NEGR1: variants seen among roughly 807,000 people sequenced by gnomAD.
The protein encoded by NEGR1 is IgLON family member 4.
In NEGR1, 10 loss-of-function variants were observed where a neutral mutation model predicts 40.9. The ratio of observed to expected loss-of-function variants is 0.24; its 90% CI spans 0.15 to 0.42. The LOEUF is 0.42. Ranked by LOEUF, NEGR1 falls within the 10% of genes least tolerant of loss-of-function variation. The probability of loss-of-function intolerance (pLI) is 1.00; values close to 1 mark genes in which losing one functional copy is unlikely to be tolerated. For missense variants in NEGR1, 352 were observed against 438.9 expected, an observed-to-expected ratio of 0.80 and a Z score of 1.77; for synonymous variants, 185 against 166.8, an observed-to-expected ratio of 1.11 and a Z score of -0.84.
intron 5 of NEGR1, among the ~76,000 whole-genome samples, chr1:71,606,339 T>A (rs1650073739): frequency 6.6e-6 from 1 of 152,180 alleles, no homozygotes; most frequent in Non-Finnish European, 1.5e-5. Context: ...TGGAAGCAGA[T>A]TCTCCAGCCC....
At chr1:72,067,297 C>T (rs1240383492) in intron 1 of NEGR1, among the ~76,000 whole-genome samples, 3 of 151,912 alleles carry the variant, frequency 2.0e-5, no homozygotes, top group African/African-American at 7.3e-5. Flanking sequence ...GTTCAATTTC[C>T]ATTACCCTTA....
chr1:71,858,579 T>C (rs1659852403), intron 2 of NEGR1, among the ~76,000 whole-genome samples: 1 of 152,038 alleles, frequency 6.6e-6, no homozygotes, highest in Non-Finnish European at 1.5e-5. Context: ...TAGCTGATAT[T>C]TTCCCCGTTT....
At chr1:71,467,889 A>G (rs1366288536) in intron 6 of NEGR1, among the ~76,000 whole-genome samples, 2 of 152,044 alleles carry the variant, frequency 1.3e-5, no homozygotes, top group Non-Finnish European at 2.9e-5. Flanking sequence ...ATGGAGTCAT[A>G]GAGCACATTG....
chr1:71,979,658 G>T (rs1646337613), intron 1 of NEGR1, among the ~76,000 whole-genome samples: 1 of 152,086 alleles, frequency 6.6e-6, no homozygotes, highest in South Asian at 2.1e-4. Context: ...AAAAGTTTTT[G>T]ATGATGGGAA....
intron 6 of NEGR1, among the ~76,000 whole-genome samples, chr1:71,560,830 T>C (rs1206918770): frequency 6.6e-6 from 1 of 151,458 alleles, no homozygotes; most frequent in Non-Finnish European, 1.5e-5. Context: ...GGAAAGATTT[T>C]CCTGGCATTT....
At chr1:71,652,744 G>T (rs1651758557) in intron 4 of NEGR1, among the ~76,000 whole-genome samples, 1 of 151,998 alleles carries the variant, frequency 6.6e-6, no homozygotes, top group Admixed American at 6.6e-5. Flanking sequence ...GTGCGCTGTA[G>T]TCCAAGCTAC....
At chr1:71,575,826 A>G (rs1570053111) in intron 6 of NEGR1, among the ~76,000 whole-genome samples, 1 of 152,146 alleles carries the variant, frequency 6.6e-6, no homozygotes, top group Non-Finnish European at 1.5e-5. Context: ...AAAACAAAAA[A>G]CAAAAAGCAC....
rs1646924035 is a variant in NEGR1 at position 71,491,010 on chromosome 1, T to C, written c.941-83440A>G. 1.3e-5 allele frequency among the ~76,000 whole-genome samples: 2 copies of C among 151,970 alleles called. 1 individual carries two copies. Among genetic ancestry groups the C allele is most frequent in the Non-Finnish European group, 2.9e-5 (2 of 67,978 alleles). On this transcript the variant is annotated intron_variant, in intron 6 of 6. Transcript: ENST00000357731. ...TATTTCACAGGAGTTCTTAGCACAA[T>C]TACCATGACAAGTGCTCACGTAATG...
In NEGR1 at chr1:71,405,979, T is replaced by C. The variant is rs1460180963; in HGVS notation, c.*1467A>G. The C allele has an allele frequency of 6.6e-6, 1 of 152,290 alleles. No homozygotes were observed. The highest frequency in any genetic ancestry group is 1.5e-5 in the Non-Finnish European group (1 of 67,838). 9.4% of individuals were successfully genotyped at this position (152,290 alleles called of 1,614,324 possible). ...GTAACAGCATTTTCCTTCAAAAATG[T>C]AGTTTTGCTTCTTTATAGTAGAAAT... On this transcript the variant is annotated 3_prime_UTR_variant, in exon 7 of 7. Coordinates refer to ENST00000357731, the MANE Select transcript of NEGR1 (RefSeq NM_173808.3).
chr1:72,062,518 C>T (rs1163858599), intron 1 of NEGR1, among the ~76,000 whole-genome samples: 2 of 151,814 alleles, frequency 1.3e-5, no homozygotes, highest in Non-Finnish European at 2.9e-5. Flanking sequence ...TGAAGAAGCA[C>T]GATGAGTTCA....
chr1:72,181,657 G>A (rs1432427541), intron 1 of NEGR1, among the ~76,000 whole-genome samples: 1 of 152,090 alleles, frequency 6.6e-6, no homozygotes, highest in Non-Finnish European at 1.5e-5. Context: ...CAATAGCCTA[G>A]AGAGGGAAGC....
At chr1:71,938,415 T>G (rs574893460) in intron 1 of NEGR1, among the ~76,000 whole-genome samples, 83 of 150,304 alleles carry the variant, frequency 5.5e-4, no homozygotes, top group African/African-American at 1.3e-3. Context: ...TAGGTGTTTT[T>G]TTTTTTTTTT....
intron 6 of NEGR1, among the ~76,000 whole-genome samples, chr1:71,565,804 A>G (rs920030876): frequency 6.6e-6 from 1 of 152,214 alleles, no homozygotes; most frequent in Non-Finnish European, 1.5e-5. Context: ...AACAATTTCA[A>G]TAGGAGCCTT....
At chr1:71,950,069 CA>C (rs1203160680) in intron 1 of NEGR1, among the ~76,000 whole-genome samples, 1 of 151,986 alleles carries the variant, frequency 6.6e-6, no homozygotes, top group Non-Finnish European at 1.5e-5. Context: ...TAATTTGACT[CA>C]AACAACATAA....
chr1:71,992,639 A>T (rs1646465597), intron 1 of NEGR1, among the ~76,000 whole-genome samples: 1 of 152,228 alleles, frequency 6.6e-6, no homozygotes, highest in African/African-American at 2.4e-5. Flanking sequence ...CGTGAATTTT[A>T]TAGTTATAGT....
chr1:71,749,346 A>T (rs12043796), intron 3 of NEGR1, among the ~76,000 whole-genome samples: 11,017 of 152,202 alleles, frequency 0.072, 498 homozygotes, highest in East Asian at 0.14. Context: ...GGTGTCTCTT[A>T]ATATTTTCAC....
At chr1:72,054,437 C>T (rs1307790113) in intron 1 of NEGR1, among the ~76,000 whole-genome samples, 1 of 151,162 alleles carries the variant, frequency 6.6e-6, no homozygotes, top group Non-Finnish European at 1.5e-5. Context: ...ATTCTACTTC[C>T]CTATCTCAAG....
chr1:71,558,744 ACTT>A (rs1290411921), intron 6 of NEGR1, among the ~76,000 whole-genome samples: 1 of 122,530 alleles, frequency 8.2e-6, no homozygotes, highest in African/African-American at 3.3e-5. Flanking sequence ...TTTTTTTAGC[ACTT>A]CTTTACATCC....
intron 2 of NEGR1, among the ~76,000 whole-genome samples, chr1:71,917,761 C>A (rs866722874): frequency 7.5e-5 from 10 of 132,986 alleles, no homozygotes; most frequent in African/African-American, 2.3e-4. Context: ...GCCTGGGCGA[C>A]AGAGCGAGAC....
Sources: gnomAD v4.1 joint callset for allele counts (sites outside exome capture counted in the v4.1 genomes callset) on GRCh38, gnomAD v4.1.1 for gene constraint, MANE v1.5 for transcripts, NCBI Gene and HGNC (gene_info 2026-07-23, HGNC 2026-07-21) for gene names.